The following SEL1L variants were observed in gnomAD, a reference collection of about 807,000 sequenced individuals.
SEL1L encodes the protein protein sel-1 homolog 1.
SEL1L carries 52 observed loss-of-function variants against 109.8 expected under a neutral mutation model. The ratio of observed to expected loss-of-function variants is 0.47; its 90% confidence interval spans 0.38 to 0.60. The LOEUF (loss-of-function observed/expected upper bound fraction) is 0.60. Among genes scored for constraint, SEL1L ranks in the 20% least tolerant of loss-of-function variants. The pLI is 0.00. For synonymous variants in SEL1L, 373 were observed against 339.6 expected, an observed-to-expected ratio of 1.10 and a Z score of -1.08; for missense variants, 749 against 962.2, an observed-to-expected ratio of 0.78 and a Z score of 2.93.
chr14:81,485,932 A>T (rs931128220), intron 17 of SEL1L, among the ~76,000 whole-genome samples, 186 bp from the exon 18 acceptor site: 1 of 152,226 alleles, frequency 6.6e-6, no homozygotes, highest in Non-Finnish European at 1.5e-5. Flanking sequence ...CACTGGATGC[A>T]AGAGGGCACT....
At chr14:81,491,982 G>A (rs1180105515) in intron 12 of SEL1L, among the ~76,000 whole-genome samples, 2 of 151,660 alleles carry the variant, frequency 1.3e-5, no homozygotes, top group Non-Finnish European at 2.9e-5. Flanking sequence ...AGAGCTCAGT[G>A]AGAGCTAATT....
intron 15 of SEL1L, 25 bp from the exon 16 acceptor site, chr14:81,487,563 G>A (rs1243974579): frequency 8.2e-6 from 13 of 1,584,684 alleles, no homozygotes; most frequent in East Asian, 2.2e-5. Context: ...AAAATCACAC[G>A]AGATAATAGA....
chr14:81,507,481 T>C (rs970299829), intron 3 of SEL1L, among the ~76,000 whole-genome samples: 31 of 151,974 alleles, frequency 2.0e-4, no homozygotes, highest in African/African-American at 7.3e-4. Flanking sequence ...GGTACATAGA[T>C]GGCTGCCCTT....
intron 3 of SEL1L, among the ~76,000 whole-genome samples, chr14:81,523,340 G>C (rs1354055504): frequency 2.6e-5 from 4 of 152,068 alleles, no homozygotes; most frequent in Non-Finnish European, 1.5e-5. Flanking sequence ...ACCCAAAATA[G>C]CTGAGTTCTG....
chr14:81,533,528 A>C (rs1300262527), intron 1 of SEL1L, 147 bp downstream of exon 1: 1 of 766,474 alleles, frequency 1.3e-6, no homozygotes, highest in Non-Finnish European at 2.1e-6. Flanking sequence ...GCGCAGGCCA[A>C]GCAAAGCCAA....
intron 3 of SEL1L, among the ~76,000 whole-genome samples, chr14:81,519,145 T>C (rs904756671): frequency 1.3e-5 from 2 of 152,220 alleles, no homozygotes; most frequent in African/African-American, 2.4e-5. Context: ...TCTAATAAGC[T>C]ACCTGGGTGG....
In SEL1L at chr14:81,498,418, T is replaced by A; in HGVS notation, c.968A>T (p.Asn323Ile). Residue 323 changes from asparagine (N) to isoleucine (I), a missense_variant, in exon 9 of 21, where the codon AAT (asparagine) becomes ATT (isoleucine). Transcript: ENST00000336735. ...SALTHYRLVA[N>I]HVASDISLTG... is the part of the protein sequence containing the mutation. ...AAAAGGGGAAACATAGATACCATGA[T>A]TGGCAACAAGACGATAGTGAGTCAG... 1 of 1,612,688 alleles carries A rather than the reference T, an allele frequency of 6.2e-7. No homozygotes were observed. The highest frequency in any genetic ancestry group is 8.5e-7 in the Non-Finnish European group (1 of 1,179,160).
intron 14 of SEL1L, among the ~76,000 whole-genome samples, chr14:81,488,568 G>A (rs1247604233): frequency 2.0e-5 from 3 of 152,176 alleles, no homozygotes; most frequent in African/African-American, 7.2e-5. Flanking sequence ...ATCAAATAGA[G>A]AAGGAAACTG....
Position 81,487,892 on chromosome 14 carries a change from C to A in SEL1L, c.1446G>T (p.Trp482Cys). 1 of 1,613,886 alleles carries A rather than the reference C, an allele frequency of 6.2e-7. No individual in the cohort carries two copies. Among genetic ancestry groups the A allele is most frequent in the Middle Eastern group, 1.6e-4 (1 of 6,062 alleles). The change falls in exon 15 of 21, where the codon TGG (tryptophan) becomes TGT (cysteine). Residue 482 changes from tryptophan (W) to cysteine (C), a missense_variant. By Grantham distance (215) the Trp-to-Cys change is radical. Transcript: ENST00000336735. ...AACCAAGCTGTAGCTGCCCATCCACCCAGCCTTGTTCAGCAGCTTTCTGGA... is the reference window on the plus strand; with the variant it reads ...AACCAAGCTGTAGCTGCCCATCCACACAGCCTTGTTCAGCAGCTTTCTGGA... ...KYFQKAAEQG[W>C]VDGQLQLGSM...
chr14:81,489,178 G>T, intron 14 of SEL1L, 74 bp downstream of exon 14: 1 of 1,322,506 alleles, frequency 7.6e-7, no homozygotes, highest in Non-Finnish European at 1.1e-6. Flanking sequence ...CTGACTGGAA[G>T]CTAATTAAGG....
intron 3 of SEL1L, among the ~76,000 whole-genome samples, chr14:81,520,833 T>C (rs1253641517): frequency 6.6e-6 from 1 of 152,206 alleles, no homozygotes; most frequent in East Asian, 1.9e-4. Flanking sequence ...ACATACACTA[T>C]GTAATTATCA....
intron 3 of SEL1L, among the ~76,000 whole-genome samples, chr14:81,513,306 C>T (rs1884563014): frequency 6.6e-6 from 1 of 152,194 alleles, no homozygotes; most frequent in Non-Finnish European, 1.5e-5. Flanking sequence ...ACTGTGAAAG[C>T]TTTGTTCTTT....
rs907300688 is a variant in SEL1L, at chr14:81,500,913, T to C, written c.778-1251A>G. On this transcript the variant is annotated intron_variant, in intron 6 of 20. Coordinates refer to ENST00000336735, the MANE Select transcript of SEL1L (RefSeq NM_005065.6). ...AACCTTTTCAACCCTTTGCCTTCTA[T>C]GGATCATCCTTGATGATAGGAAAGT... 8.5e-5 allele frequency among the ~76,000 whole-genome samples: 13 copies of C among 152,356 alleles called. 1 individual carries two copies. In the South Asian group the frequency reaches 1.9e-3, roughly 22 times the overall value.
At position 81,485,735 on chromosome 14, in the gene SEL1L, T is replaced by A. The variant is rs1284444490; in HGVS notation, c.1810A>T (p.Ile604Phe). Residue 604 changes from isoleucine to phenylalanine, a missense_variant, in exon 18 of 21, where the codon ATT (isoleucine) becomes TTT (phenylalanine). By Grantham distance (21) the Ile-to-Phe change is conservative (BLOSUM62 0). This residue lies in a region of SEL1L where 383 missense variants were observed against 562.5 expected (regional missense o/e 0.68). Coordinates refer to ENST00000336735, the MANE Select transcript of SEL1L (RefSeq NM_005065.6). ...GGATAAGTTTCATTCTCACCTACAA[T>A]GCTTGCTTCTCCTACAGGAAAAGAA... ...AFILDQREASIVGENETYPRA... is the reference protein window; with the variant it reads ...AFILDQREASFVGENETYPRA... 1 of 1,613,944 alleles carries A rather than the reference T, an allele frequency of 6.2e-7. No individual in the cohort carries two copies.
intron 6 of SEL1L, among the ~76,000 whole-genome samples, chr14:81,502,380 A>G (rs1441590225): frequency 6.6e-6 from 1 of 152,204 alleles, no homozygotes; most frequent in African/African-American, 2.4e-5. Context: ...AAACACCAAG[A>G]TTAACATGAG....
intron 1 of SEL1L, among the ~76,000 whole-genome samples, 164 bp downstream of exon 1, chr14:81,533,511 C>T (rs557908934): frequency 6.6e-6 from 1 of 152,354 alleles, no homozygotes; most frequent in Non-Finnish European, 1.5e-5. Context: ...CCTAAATAGC[C>T]CCTTTGGCGC....
At chr14:81,532,572 C>T (rs1445716349) in intron 1 of SEL1L, among the ~76,000 whole-genome samples, 3 of 152,100 alleles carry the variant, frequency 2.0e-5, no homozygotes, top group Non-Finnish European at 2.9e-5. Flanking sequence ...AGGGTTGGTG[C>T]TTTTGAAATG....
intron 11 of SEL1L, among the ~76,000 whole-genome samples, chr14:81,492,918 G>T (rs1166670837): frequency 6.6e-6 from 1 of 152,132 alleles, no homozygotes; most frequent in Non-Finnish European, 1.5e-5. Context: ...TGATAACCTG[G>T]GAGAAAGGAA....
chr14:81,496,435 G>C (rs1883753050), intron 10 of SEL1L, among the ~76,000 whole-genome samples: 2 of 152,184 alleles, frequency 1.3e-5, no homozygotes, highest in African/African-American at 4.8e-5. Context: ...GAAGCTGGGA[G>C]ATACAGTAAG....
Sources: gnomAD v4.1 joint callset for allele counts (sites outside exome capture counted in the v4.1 genomes callset) on GRCh38, gnomAD v4.1.1 for gene constraint, gnomAD v4.1.1 regional missense constraint, MANE v1.5 for transcripts, NCBI Gene and HGNC (gene_info 2026-07-23, HGNC 2026-07-21) for gene names.